Variants in NTM observed in about 807,000 individuals in gnomAD.
NTM encodes the protein neurotrimin.
Under a neutral mutation model 42.1 loss-of-function variants are expected in NTM, and 13 were observed. The observed-to-expected ratio is 0.31, with a 90% CI of 0.20 to 0.49. The LOEUF (loss-of-function observed/expected upper bound fraction) is 0.49, where lower values mean the gene tolerates loss of function less well. Among genes scored for constraint, NTM ranks in the 20% least tolerant of loss-of-function variants. The pLI, the probability that NTM is intolerant of heterozygous loss-of-function variation, is 0.99. For missense variants in NTM, 373 were observed against 452.8 expected (o/e 0.82, Z 1.60); for synonymous variants, 187 against 179.2 (o/e 1.04, Z -0.35).
rs112069125 is a variant in NTM at position 131,512,097 on chromosome 11, C to T, written c.82+141209C>T. On this transcript the variant is annotated intron_variant, in intron 1 of 8. Coordinates refer to ENST00000683400, the MANE Select transcript of NTM (RefSeq NM_001352005.2). ...ACCGAGACCCACAAGTTCCAAATTG[C>T]GCATTCCACTTGCTAATTCCAGGCC... Among the ~76,000 whole-genome samples the T allele has an allele frequency of 5.9e-3, 904 of 152,216 alleles. 8 individuals carry two copies. The highest frequency in any genetic ancestry group is 0.021 in the African/African-American group (860 of 41,530).
At chr11:131,772,254 GA>G (rs1181202164) in intron 1 of NTM, among the ~76,000 whole-genome samples, 1 of 152,126 alleles carries the variant, frequency 6.6e-6, no homozygotes, top group Admixed American at 6.5e-5. Flanking sequence ...ATAGGAGGCC[GA>G]ATTCTAAGAT....
At chr11:131,645,728 T>C (rs142810139) in intron 1 of NTM, among the ~76,000 whole-genome samples, 1 of 152,348 alleles carries the variant, frequency 6.6e-6, no homozygotes, top group African/African-American at 2.4e-5. Flanking sequence ...CTCCATTTGA[T>C]TGGAAGTTCT....
chr11:131,485,510 T>C (rs1954081418), intron 1 of NTM, among the ~76,000 whole-genome samples: 1 of 152,148 alleles, frequency 6.6e-6, no homozygotes, highest in Non-Finnish European at 1.5e-5. Flanking sequence ...AAGTGCAATG[T>C]CCCAGAGCCC....
intron 1 of NTM, among the ~76,000 whole-genome samples, chr11:131,892,142 CCT>C (rs1453536073): frequency 1.1e-4 from 16 of 152,172 alleles, no homozygotes; most frequent in African/African-American, 3.9e-4. Context: ...TCTTCCTCCT[CCT>C]CTTTCTTCTT....
At chr11:132,229,967 GGCAACT>G (rs1211450157) in intron 4 of NTM, among the ~76,000 whole-genome samples, 1 of 152,220 alleles carries the variant, frequency 6.6e-6, no homozygotes, top group Non-Finnish European at 1.5e-5. Context: ...TTCCTTCCAT[GGCAACT>G]GCCGTCATAG....
At chr11:132,333,550 G>A (rs190028769) in intron 8 of NTM, among the ~76,000 whole-genome samples, 6 of 152,120 alleles carry the variant, frequency 3.9e-5, no homozygotes, top group Admixed American at 3.3e-4. Context: ...ATTTAAATCC[G>A]CAGGAGCTTT....
chr11:132,231,457 A>T (rs1436191841), intron 4 of NTM, among the ~76,000 whole-genome samples: 1 of 152,218 alleles, frequency 6.6e-6, no homozygotes, highest in Non-Finnish European at 1.5e-5. Flanking sequence ...TTTACAGGTA[A>T]AAGGGTAAAT....
At chr11:131,776,153 A>G (rs1442461869) in intron 1 of NTM, among the ~76,000 whole-genome samples, 1 of 152,210 alleles carries the variant, frequency 6.6e-6, no homozygotes, top group South Asian at 2.1e-4. Flanking sequence ...TTAGGTTCAA[A>G]CTACAAAGCT....
In NTM at chr11:132,335,533, C is replaced by T. The variant is rs1385060003; in HGVS notation, c.*387C>T. 1 of 226,186 alleles carries T rather than the reference C, an allele frequency of 4.4e-6. No homozygotes were observed. The highest frequency in any genetic ancestry group is 8.8e-6 in the Non-Finnish European group (1 of 114,076). 14.0% of individuals were successfully genotyped at this position (226,186 alleles called of 1,614,324 possible). Reference sequence around the variant, plus strand: ...ATTCTGGAGCTGGCCATCCCAAATTCAATCAGTCCATAGAGACGAACAGAA... The same window carrying T: ...ATTCTGGAGCTGGCCATCCCAAATTTAATCAGTCCATAGAGACGAACAGAA... On this transcript the variant is annotated 3_prime_UTR_variant, in exon 9 of 9. Transcript: ENST00000683400.
intron 4 of NTM, among the ~76,000 whole-genome samples, chr11:132,286,802 T>C (rs1285199482): frequency 2.6e-5 from 4 of 152,162 alleles, no homozygotes; most frequent in Non-Finnish European, 4.4e-5. Context: ...GTGTATCCAA[T>C]GAGAAAACAA....
chr11:131,968,772 C>CGAGGGAGGGG (rs531531912), intron 2 of NTM, among the ~76,000 whole-genome samples: 37 of 152,236 alleles, frequency 2.4e-4, no homozygotes, highest in Admixed American at 5.2e-4. Context: ...TATCCTCCCC[C>CGAGGGAGGGG]GAAATGCATT....
chr11:131,598,784 TC>T lies in NTM; in HGVS notation c.82+227897del, dbSNP rs71067318. Among the ~76,000 whole-genome samples, 239 of 89,918 alleles carry T rather than the reference TC, an allele frequency of 2.7e-3. 30 individuals carry two copies. The highest frequency in any genetic ancestry group is 6.8e-3 in the African/African-American group (229 of 33,616). The allele number at this position is 89,918 out of a possible 152,430, so 59.0% of individuals were successfully genotyped here. ...TTTCTTTTTTTCTTTCTTTCTTTCT[TC>T]TTTCTTTCTTTCTTTTTCTTTCTTT... is the stretch of plus-strand genomic sequence containing the variant. On this transcript the variant is annotated intron_variant, in intron 1 of 8. Coordinates refer to ENST00000683400, the MANE Select transcript of NTM (RefSeq NM_001352005.2).
chr11:132,097,607 C>T (rs1156890460), intron 2 of NTM, among the ~76,000 whole-genome samples: 1 of 152,228 alleles, frequency 6.6e-6, no homozygotes, highest in Admixed American at 6.5e-5. Flanking sequence ...ACTGAGATAT[C>T]ATAATGAGTA....
At chr11:132,270,866 A>G (rs2093444554) in intron 4 of NTM, among the ~76,000 whole-genome samples, 1 of 152,204 alleles carries the variant, frequency 6.6e-6, no homozygotes, top group Non-Finnish European at 1.5e-5. Flanking sequence ...GTAATACATG[A>G]AAATGAATAA....
At chr11:132,105,116 A>T (rs1455693156) in intron 2 of NTM, among the ~76,000 whole-genome samples, 1 of 150,330 alleles carries the variant, frequency 6.7e-6, no homozygotes, top group Non-Finnish European at 1.5e-5. Flanking sequence ...GTGTCAGCTC[A>T]CCCTATCTGA....
chr11:131,749,586 T>G (rs951554767), intron 1 of NTM, among the ~76,000 whole-genome samples: 13 of 152,086 alleles, frequency 8.5e-5, no homozygotes. Context: ...ATTGTCACTG[T>G]TTTTTTGTTT....
chr11:131,566,635 G>C (rs980446102), intron 1 of NTM, among the ~76,000 whole-genome samples: 1 of 152,232 alleles, frequency 6.6e-6, no homozygotes, highest in Non-Finnish European at 1.5e-5. Context: ...CTTGTCAGCA[G>C]GGGAAGGCAC....
At chr11:131,693,377 G>A (rs549805354) in intron 1 of NTM, among the ~76,000 whole-genome samples, 88 of 152,282 alleles carry the variant, frequency 5.8e-4, no homozygotes, top group African/African-American at 1.8e-3. Context: ...ACAGCCTGAC[G>A]GATAGCAACC....
At chr11:131,747,738 G>A (rs759701951) in intron 1 of NTM, among the ~76,000 whole-genome samples, 1 of 152,134 alleles carries the variant, frequency 6.6e-6, no homozygotes, top group Non-Finnish European at 1.5e-5. Flanking sequence ...GCCTCTCACT[G>A]GAACTGCCAG....
Sources: allele counts gnomAD v4.1 joint callset (sites outside exome capture counted in the v4.1 genomes callset), GRCh38; gene constraint gnomAD v4.1.1; transcripts MANE v1.5; gene names NCBI Gene and HGNC (gene_info 2026-07-23, HGNC 2026-07-21).